Variants in TIMP4 observed in about 807,000 individuals in gnomAD.
TIMP4 encodes the protein TIMP metallopeptidase inhibitor 4.
A neutral mutation model predicts 27.3 loss-of-function variants in TIMP4; 28 were observed. The ratio of observed to expected loss-of-function variants is 1.03; its 90% CI spans 0.76 to 1.41. The LOEUF (loss-of-function observed/expected upper bound fraction) is 1.41. Among genes scored for constraint, TIMP4 ranks in the 40% most tolerant of loss-of-function variants. The pLI is 0.00. For missense variants in TIMP4, 307 were observed against 285.5 expected (o/e 1.08, Z -0.54); for synonymous variants, 138 against 115.5 (o/e 1.20, Z -1.25).
intron 2 of TIMP4, 31 bp from the exon 3 acceptor site, chr3:12,156,965 T>G: frequency 6.6e-7 from 1 of 1,515,008 alleles, no homozygotes; most frequent in African/African-American, 1.4e-5. Flanking sequence ...AAGGCAATAT[T>G]GGGTCAGTGA....
chr3:12,158,802 C>T lies in TIMP4; in HGVS notation c.39G>A (p.Leu13=), dbSNP rs755033753. The change falls in exon 1 of 5, where the codon CTG becomes CTA. Residue 13 remains leucine, a synonymous_variant. Transcript: ENST00000287814. ...GSPRPAPSWV[L]LLRLLALLRP... is the part of the protein sequence containing the mutation. ...GCAGCAACGCCAGCAGCCGCAGCAACAGCACCCAGCTTGGCGCGGGCCGAG... is the reference window on the plus strand; with the variant it reads ...GCAGCAACGCCAGCAGCCGCAGCAATAGCACCCAGCTTGGCGCGGGCCGAG... 2 of 1,601,724 alleles carry T rather than the reference C, an allele frequency of 1.2e-6. No homozygotes were observed. The highest frequency in any genetic ancestry group is 2.2e-5 in the South Asian group (2 of 90,710).
intron 3 of TIMP4, among the ~76,000 whole-genome samples, chr3:12,156,319 T>G (rs1487699032): frequency 6.6e-6 from 1 of 152,226 alleles, no homozygotes; most frequent in Non-Finnish European, 1.5e-5. Context: ...TTGCATTCAT[T>G]TATGGAGTCA....
rs752109019 is a variant in TIMP4, at chr3:12,153,470, T to C, written c.*45A>G. 2 of 1,606,282 alleles carry C rather than the reference T, an allele frequency of 1.2e-6. No individual in the cohort carries two copies. The highest frequency in any genetic ancestry group is 8.5e-7 in the Non-Finnish European group (1 of 1,174,718). The stretch of plus-strand genomic sequence containing the variant: ...GCTCTGCAGGGAAGGAGAACTGGCT[T>C]GATCTTCAGGACTCTTGAAGGGATG... On this transcript the variant is annotated 3_prime_UTR_variant, in exon 5 of 5. Coordinates refer to ENST00000287814, the MANE Select transcript of TIMP4 (RefSeq NM_003256.4).
chr3:12,153,768 GC>G (rs1697374068), intron 4 of TIMP4, 56 bp from the exon 5 acceptor site: 2 of 1,588,292 alleles, frequency 1.3e-6, no homozygotes, highest in Non-Finnish European at 1.7e-6. Flanking sequence ...TTTTTCCATT[GC>G]TGCCTTTCAG....
chr3:12,154,649 C>T (rs996328972), intron 3 of TIMP4, among the ~76,000 whole-genome samples, 198 bp from the exon 4 acceptor site: 2 of 152,170 alleles, frequency 1.3e-5, no homozygotes, highest in Admixed American at 6.5e-5. Flanking sequence ...TATGTTTGTA[C>T]GAGGCAGAGT....
intron 3 of TIMP4, 86 bp from the exon 4 acceptor site, chr3:12,154,537 G>T: frequency 6.6e-7 from 1 of 1,508,642 alleles, no homozygotes; most frequent in South Asian, 1.3e-5. Flanking sequence ...GCCCAGAATT[G>T]CAGCCTCCCC....
chr3:12,155,763 C>G (rs555079781), intron 3 of TIMP4, among the ~76,000 whole-genome samples: 126 of 152,336 alleles, frequency 8.3e-4, no homozygotes, highest in South Asian at 1.7e-3. Flanking sequence ...GAACATGTTT[C>G]CTCATTTCCC....
In TIMP4 at chr3:12,158,767, C is replaced by G; in HGVS notation, c.74G>C (p.Gly25Ala). 7.5e-6 allele frequency: 12 copies of G among 1,606,248 alleles called. No individual in the cohort carries two copies. Among genetic ancestry groups the G allele is most frequent in the Non-Finnish European group, 9.3e-6 (11 of 1,178,894 alleles). ...LRLLALLRPPGLGEACSCAPA... is the reference protein window; with the variant it reads ...LRLLALLRPPALGEACSCAPA... ...GGCGCAGCTGCATGCCTCACCCAGC[C>G]CCGGGGGCCGCAGCAACGCCAGCAG... Residue 25 changes from glycine (G) to alanine (A), a missense_variant, in exon 1 of 5, where the codon GGG (glycine) becomes GCG (alanine). Gly to Ala is a moderately conservative substitution (Grantham distance 60). Coordinates refer to ENST00000287814, the MANE Select transcript of TIMP4 (RefSeq NM_003256.4).
chr3:12,157,508 C>G, intron 1 of TIMP4, 26 bp from the exon 2 acceptor site: 1 of 1,609,762 alleles, frequency 6.2e-7, no homozygotes, highest in Non-Finnish European at 8.5e-7. Flanking sequence ...AAAGAGGGAA[C>G]CTTCAGCAGC....
Position 12,154,266 on chromosome 3 carries a change from G to A in TIMP4, c.477+61C>T, listed in dbSNP as rs776583975. Reference sequence around the variant, plus strand: ...CTAGTAAGTGAATAAATTCATGCATGAATGAAGGCTCAGAACCCTTCCCCC... The same window carrying A: ...CTAGTAAGTGAATAAATTCATGCATAAATGAAGGCTCAGAACCCTTCCCCC... On this transcript the variant is annotated intron_variant, in intron 4 of 4. Coordinates refer to ENST00000287814, the MANE Select transcript of TIMP4 (RefSeq NM_003256.4). The A allele has an allele frequency of 2.5e-6, 4 of 1,608,164 alleles. No homozygotes were observed. In the East Asian group the frequency reaches 8.9e-5, roughly 36 times the overall value.
In TIMP4 at chr3:12,157,475, C is replaced by T. The variant is rs772409547; in HGVS notation, c.147G>A (p.Arg49=). The T allele has an allele frequency of 6.8e-6, 11 of 1,614,052 alleles. No individual in the cohort carries two copies. In the South Asian group the frequency reaches 7.7e-5, roughly 11 times the overall value. The change falls in exon 2 of 5, where the codon CGG becomes CGA. Residue 49 remains arginine, a synonymous_variant. Transcript: ENST00000287814. ...CTACCTTCTCACTGGAGATTTTGGC[C>T]CGAATCACTGCATAGGAAGAGAAAA... ...QHICHSALVI[R]AKISSEKVVP... is the part of the protein sequence containing the mutation.
In TIMP4 at chr3:12,153,335, G is replaced by A; in HGVS notation, c.*180C>T. On this transcript the variant is annotated 3_prime_UTR_variant, in exon 5 of 5. Coordinates refer to ENST00000287814, the MANE Select transcript of TIMP4 (RefSeq NM_003256.4). ...GTTTGGGAGGCAGGGGCAACAGGCT[G>A]AGGGCAGGGCAGAAAAGTCATGGCC... 1 of 676,816 alleles carries A rather than the reference G, an allele frequency of 1.5e-6. No homozygotes were observed. Among genetic ancestry groups the A allele is most frequent in the Admixed American group, 2.4e-5 (1 of 41,618 alleles). 41.9% of individuals were successfully genotyped at this position (676,816 alleles called of 1,614,324 possible). A position where few individuals can be genotyped will look rare whatever the true frequency, so the allele number is the denominator to read the frequency against.
chr3:12,158,376 TC>T (rs1205072293), intron 1 of TIMP4, among the ~76,000 whole-genome samples: 4 of 152,088 alleles, frequency 2.6e-5, no homozygotes, highest in Non-Finnish European at 5.9e-5. Context: ...CCCCTTTCTG[TC>T]CCCAGTCTAG....
chr3:12,156,719 G>A (rs1225645673), intron 3 of TIMP4, 101 bp downstream of exon 3: 9 of 872,956 alleles, frequency 1.0e-5, no homozygotes, highest in African/African-American at 6.8e-5. Flanking sequence ...AATGCCACCT[G>A]GCTCAGCCTA....
chr3:12,154,328 TG>T lies in TIMP4; in HGVS notation c.475del (p.Gln159LysfsTer40). The part of the protein sequence containing the change: ...NHHYHLNCGC[Q>X]ITTCYTVPCT... ...CTTTGGAAATGGACATTCCCTTACT[TG>T]GCAGCCACAGTTCAGATGGTAGTGA... On this transcript the variant is annotated frameshift_variant and splice_region_variant, in exon 4 of 5. Coordinates refer to ENST00000287814, the MANE Select transcript of TIMP4 (RefSeq NM_003256.4). LOFTEE classifies it high-confidence loss of function. 1 of 1,614,216 alleles carries T rather than the reference TG, an allele frequency of 6.2e-7. No individual in the cohort carries two copies. The highest frequency in any genetic ancestry group is 2.2e-5 in the East Asian group (1 of 44,888).
In TIMP4 at chr3:12,158,759, C is replaced by T. The variant is rs1161845882; in HGVS notation, c.82G>A (p.Glu28Lys). Residue 28 changes from glutamate to lysine, a missense_variant, in exon 1 of 5, where the codon GAG (glutamate) becomes AAG (lysine). Physicochemically the swap from Glu to Lys is moderately conservative, Grantham distance 56. Transcript: ENST00000287814. ...TGCGCCGGGGCGCAGCTGCATGCCT[C>T]ACCCAGCCCCGGGGGCCGCAGCAAC... is the stretch of plus-strand genomic sequence containing the variant. ...LALLRPPGLG[E>K]ACSCAPAHPQ... The T allele has an allele frequency of 1.2e-6, 2 of 1,607,240 alleles. No homozygotes were observed. Among genetic ancestry groups the T allele is most frequent in the East Asian group, 2.2e-5 (1 of 44,824 alleles).
intron 1 of TIMP4, 70 bp from the exon 2 acceptor site, chr3:12,157,552 C>T (rs1400738878): frequency 1.1e-5 from 17 of 1,479,858 alleles, no homozygotes; most frequent in Non-Finnish European, 1.6e-5. Context: ...TCTGGATGAT[C>T]CAGGGTCCAT....
chr3:12,158,861 G>C lies in TIMP4; in HGVS notation c.-21C>G. 6.5e-7 allele frequency: 1 copy of C among 1,544,670 alleles called. No homozygotes were observed. The highest frequency in any genetic ancestry group is 8.7e-7 in the Non-Finnish European group (1 of 1,149,500). On this transcript the variant is annotated 5_prime_UTR_variant, in exon 1 of 5. Transcript: ENST00000287814. ...GGCATGACACTGCAGATCCGCGACT[G>C]AGCCTGTGAGGTCTGGGGGACTGGA...
At chr3:12,155,816 G>A (rs1697440034) in intron 3 of TIMP4, among the ~76,000 whole-genome samples, 1 of 152,166 alleles carries the variant, frequency 6.6e-6, no homozygotes. Context: ...ACACACAGAG[G>A]GCAGGTGCTT....
Sources: gnomAD v4.1 joint callset for allele counts (sites outside exome capture counted in the v4.1 genomes callset) on GRCh38, gnomAD v4.1.1 for gene constraint, MANE v1.5 for transcripts, NCBI Gene and HGNC (gene_info 2026-07-23, HGNC 2026-07-21) for gene names.